LRCH1: variants seen among roughly 807,000 people sequenced by gnomAD.
LRCH1 encodes leucine rich repeats and calponin homology domain containing 1, also known as leucine-rich repeat and calponin homology domain-containing protein 1.
A neutral mutation model predicts 94.9 loss-of-function variants in LRCH1; 23 were observed. The ratio of observed to expected loss-of-function variants is 0.24; its 90% CI spans 0.17 to 0.34. The LOEUF (loss-of-function observed/expected upper bound fraction) is 0.34. Among genes scored for constraint, LRCH1 ranks in the 10% least tolerant of loss-of-function variants. The probability of loss-of-function intolerance (pLI) is 1.00; values close to 1 mark genes in which losing one functional copy is unlikely to be tolerated. For synonymous variants in LRCH1, 364 were observed against 354.9 expected (o/e 1.03, Z -0.29); for missense variants, 790 against 945.9 (o/e 0.84, Z 2.16).
chr13:46,605,461 G>A (rs984974833), intron 1 of LRCH1, among the ~76,000 whole-genome samples: 1 of 152,120 alleles, frequency 6.6e-6, no homozygotes, highest in Non-Finnish European at 1.5e-5. Context: ...ATTATTTTCT[G>A]TTTAGAGGCC....
At chr13:46,684,188 G>A (rs998255782) in intron 4 of LRCH1, among the ~76,000 whole-genome samples, 1 of 152,112 alleles carries the variant, frequency 6.6e-6, no homozygotes, top group African/African-American at 2.4e-5. Context: ...GCAGTGGGGA[G>A]AGAGAGTGGG....
intron 1 of LRCH1, among the ~76,000 whole-genome samples, chr13:46,628,938 G>T (rs2050985362): frequency 6.6e-6 from 1 of 152,162 alleles, no homozygotes. Context: ...CTCTACTGCT[G>T]CTAAACATCA....
intron 1 of LRCH1, among the ~76,000 whole-genome samples, chr13:46,565,960 G>A (rs1404293310): frequency 6.6e-6 from 1 of 151,990 alleles, no homozygotes. Flanking sequence ...CTATTCCTGT[G>A]CCACGTTGTG....
At chr13:46,669,659 T>C (rs1053522503) in intron 3 of LRCH1, among the ~76,000 whole-genome samples, 1 of 152,172 alleles carries the variant, frequency 6.6e-6, no homozygotes, top group Non-Finnish European at 1.5e-5. Flanking sequence ...GAACAAGCTA[T>C]AGATGAGCAG....
chr13:46,602,896 C>T (rs1303134579), intron 1 of LRCH1, among the ~76,000 whole-genome samples: 4 of 152,110 alleles, frequency 2.6e-5, no homozygotes, highest in African/African-American at 9.7e-5. Context: ...CTGCAGTGAA[C>T]CATGATTGTG....
intron 3 of LRCH1, among the ~76,000 whole-genome samples, chr13:46,673,203 C>A (rs937470909): frequency 7.9e-5 from 12 of 152,038 alleles, no homozygotes; most frequent in African/African-American, 2.9e-4. Flanking sequence ...GTTGGACTGG[C>A]CACATTTCTG....
chr13:46,606,146 T>TTGTGTGTGTGTGTGTGTGTGTG (rs1555272309), intron 1 of LRCH1, among the ~76,000 whole-genome samples: 3 of 103,866 alleles, frequency 2.9e-5, no homozygotes, highest in African/African-American at 1.1e-4. Flanking sequence ...AATTTTAACC[T>TTGTGTGTGTGTGTGTGTGTGTG]TATGTGTGTG....
chr13:46,741,807 C>T lies in LRCH1; in HGVS notation c.2251C>T (p.Leu751=), dbSNP rs1873673661. Residue 751 remains leucine, a synonymous_variant, in exon 20 of 20, where the codon CTG becomes TTG. Transcript: ENST00000389797. ...FCLVHILFIV[L]VYITYHWNAL... is the part of the protein sequence containing the mutation. ...TCTTGTCCATATTCTCTTTATAGTG[C>T]TGGTCTATATCACTTACCACTGGAA... The T allele has an allele frequency of 1.2e-6, 2 of 1,614,032 alleles. No individual in the cohort carries two copies. Among genetic ancestry groups the T allele is most frequent in the African/African-American group, 1.3e-5 (1 of 74,924 alleles).
At chr13:46,629,104 A>G (rs1363045732) in intron 1 of LRCH1, among the ~76,000 whole-genome samples, 1 of 152,228 alleles carries the variant, frequency 6.6e-6, no homozygotes, top group Non-Finnish European at 1.5e-5. Flanking sequence ...CTTTAATGCC[A>G]TCTTCCTAGC....
intron 1 of LRCH1, among the ~76,000 whole-genome samples, chr13:46,608,398 A>G (rs1163027053): frequency 6.6e-6 from 1 of 152,236 alleles, no homozygotes; most frequent in Non-Finnish European, 1.5e-5. Context: ...TTGGGGTAAC[A>G]TTGACTTGTA....
At chr13:46,672,147 C>A (rs1375507748) in intron 3 of LRCH1, among the ~76,000 whole-genome samples, 1 of 152,152 alleles carries the variant, frequency 6.6e-6, no homozygotes, top group Non-Finnish European at 1.5e-5. Context: ...AGTATGTAGC[C>A]TTTTCAGGTT....
chr13:46,730,451 C>T (rs1315473056), intron 18 of LRCH1, among the ~76,000 whole-genome samples: 1 of 152,174 alleles, frequency 6.6e-6, no homozygotes, highest in South Asian at 2.1e-4. Context: ...TCCGCCCTCT[C>T]CCATCCCCAG....
intron 1 of LRCH1, among the ~76,000 whole-genome samples, chr13:46,564,200 G>A (rs1437675281): frequency 2.6e-5 from 4 of 152,114 alleles, no homozygotes; most frequent in South Asian, 4.1e-4. Context: ...GGCAGCCCCC[G>A]ACTCACAAAC....
At chr13:46,632,560 A>G (rs921616198) in intron 1 of LRCH1, among the ~76,000 whole-genome samples, 1 of 152,254 alleles carries the variant, frequency 6.6e-6, no homozygotes, top group Non-Finnish European at 1.5e-5. Context: ...AATTGTTTAC[A>G]AGACAATTGA....
chr13:46,606,718 T>C lies in LRCH1; in HGVS notation c.308-43483T>C, dbSNP rs532351528. On this transcript the variant is annotated intron_variant, in intron 1 of 19. Transcript: ENST00000389797. ...TCCTGAGTAGTTGGACTTACAGGCG[T>C]GGGCCACTACGCTCGGCCAATTTTT... Among the ~76,000 whole-genome samples, 62 of 152,222 alleles carry C rather than the reference T, an allele frequency of 4.1e-4. 2 individuals are homozygous for C. The highest frequency in any genetic ancestry group is 1.4e-3 in the African/African-American group (57 of 41,532).
intron 3 of LRCH1, among the ~76,000 whole-genome samples, chr13:46,674,866 C>T (rs141916573): frequency 2.0e-5 from 3 of 152,334 alleles, no homozygotes; most frequent in Non-Finnish European, 4.4e-5. Context: ...AGCGTCCTCA[C>T]CACAATACAG....
chr13:46,591,867 G>A (rs773879586), intron 1 of LRCH1, among the ~76,000 whole-genome samples: 2 of 152,172 alleles, frequency 1.3e-5, no homozygotes, highest in South Asian at 2.1e-4. Context: ...CATTGGATCC[G>A]AGAGGAGCTC....
chr13:46,575,544 G>GTGTT (rs765405448), intron 1 of LRCH1, among the ~76,000 whole-genome samples: 1 of 150,472 alleles, frequency 6.6e-6, no homozygotes, highest in African/African-American at 2.4e-5. Flanking sequence ...GTGTGTGTGT[G>GTGTT]TTGTGGGGGG....
chr13:46,596,238 T>C (rs961190809), intron 1 of LRCH1, among the ~76,000 whole-genome samples: 6 of 152,222 alleles, frequency 3.9e-5, no homozygotes, highest in Admixed American at 6.5e-5. Context: ...TTTGAATGTT[T>C]CCTGCAGCTC....
Sources: gnomAD v4.1 joint callset for allele counts (sites outside exome capture counted in the v4.1 genomes callset) on GRCh38, gnomAD v4.1.1 for gene constraint, MANE v1.5 for transcripts, NCBI Gene and HGNC (gene_info 2026-07-23, HGNC 2026-07-21) for gene names.